Variants in KTN1 observed in about 807,000 individuals in gnomAD.
The protein encoded by KTN1 is kinectin 1.
In KTN1, 130 loss-of-function variants were observed where a neutral mutation model predicts 222.5. The ratio of observed to expected loss-of-function variants is 0.58; its 90% confidence interval spans 0.51 to 0.68. The LOEUF is 0.68. Ranked by LOEUF, KTN1 falls within the 30% of genes least tolerant of loss-of-function variation. The probability of loss-of-function intolerance (pLI) is 0.00; values close to 1 mark genes in which losing one functional copy is unlikely to be tolerated. For synonymous variants in KTN1, 512 were observed against 496.3 expected, an observed-to-expected ratio of 1.03 and a Z score of -0.42; for missense variants, 1,508 against 1,500.4, an observed-to-expected ratio of 1.01 and a Z score of -0.08.
chr14:55,641,013 TTAATTA>T, intron 16 of KTN1, 43 bp downstream of exon 16: 1 of 1,546,108 alleles, frequency 6.5e-7, no homozygotes, highest in East Asian at 2.3e-5. Flanking sequence ...ACATTTATGT[TTAATTA>T]TAATTGTTGC....
intron 40 of KTN1, chr14:55,675,260 T>C (rs2045795897): frequency 6.6e-6 from 1 of 152,226 alleles, no homozygotes; most frequent in Non-Finnish European, 1.5e-5. Flanking sequence ...TACAGAACTT[T>C]CTGTTTTGAC....
chr14:55,672,791 T>C (rs368731976), intron 38 of KTN1, 90 bp downstream of exon 38: 37 of 1,064,866 alleles, frequency 3.5e-5, no homozygotes, highest in African/African-American at 3.0e-4. Context: ...GATTACTTTA[T>C]AGTTATGCTC....
At chr14:55,647,633 CAAAAAAA>C (rs35742930) in intron 19 of KTN1, among the ~76,000 whole-genome samples, 1 of 32,974 alleles carries the variant, frequency 3.0e-5, no homozygotes, top group South Asian at 1.5e-3. Flanking sequence ...AACTCTGCCT[CAAAAAAA>C]AAAAAAAAAA....
Position 55,648,111 on chromosome 14 carries a change from T to C in KTN1, c.2294T>C (p.Leu765Pro). Residue 765 changes from leucine (L) to proline (P), a missense_variant, in exon 20 of 44, where the codon CTG becomes CCG. By Grantham distance (98) the Leu-to-Pro change is moderately conservative. Transcript: ENST00000395314. ...CAGGTGGCAACTAAAGAAGAGGAGC[T>C]GAATGTAAAGCATTTTGTAGTTTTG... Reference protein sequence around the residue: ...LIQVATKEEELNAIRTENSSL... With the variant: ...LIQVATKEEEPNAIRTENSSL... 2 of 1,520,042 alleles carry C rather than the reference T, an allele frequency of 1.3e-6. No individual in the cohort carries two copies. Among genetic ancestry groups the C allele is most frequent in the Non-Finnish European group, 1.8e-6 (2 of 1,114,160 alleles). The allele number at this position is 1,520,042 out of a possible 1,614,324, so 94.2% of individuals were successfully genotyped here.
chr14:55,684,510 A>T lies in KTN1; in HGVS notation c.*407A>T, dbSNP rs754998752. The T allele has an allele frequency of 9.4e-6, 2 of 212,768 alleles. No homozygotes were observed. The highest frequency in any genetic ancestry group is 1.9e-5 in the Non-Finnish European group (2 of 105,560). 13.2% of individuals were successfully genotyped at this position (212,768 alleles called of 1,614,324 possible). On this transcript the variant is annotated 3_prime_UTR_variant, in exon 44 of 44. Coordinates refer to ENST00000395314, the MANE Select transcript of KTN1 (RefSeq NM_001079521.2). Reference sequence around the variant, plus strand: ...GCCTCTGACTTCAACTCAAGAAAACACTTTTTTGTTGCTAATGTAATCGGT... The same window carrying T: ...GCCTCTGACTTCAACTCAAGAAAACTCTTTTTTGTTGCTAATGTAATCGGT...
chr14:55,646,601 C>G (rs1450580842), intron 18 of KTN1, among the ~76,000 whole-genome samples: 4 of 128,920 alleles, frequency 3.1e-5, no homozygotes, highest in African/African-American at 1.2e-4. Flanking sequence ...TCTTTTCTTT[C>G]TTTTTTTTTG....
In KTN1 at chr14:55,665,509, G is replaced by A. The variant is rs986894839; in HGVS notation, c.3177+1468G>A. The stretch of plus-strand genomic sequence containing the variant: ...TTTAGACAGTCCTTAGATAGCATAC[G>A]TGTAAAGGGATGTTGATTGACCCAG... On this transcript the variant is annotated intron_variant, in intron 33 of 43. Transcript: ENST00000395314. 5.3e-5 allele frequency among the ~76,000 whole-genome samples: 8 copies of A among 152,124 alleles called. No individual in the cohort carries two copies. In the South Asian group the frequency reaches 6.2e-4, roughly 12 times the overall value.
chr14:55,674,277 T>G (rs908883549), intron 40 of KTN1: 3 of 152,076 alleles, frequency 2.0e-5, no homozygotes, highest in African/African-American at 7.2e-5. Flanking sequence ...TTTGGATTAT[T>G]TGTATTATAT....
chr14:55,618,724 A>G (rs185100856), intron 4 of KTN1, among the ~76,000 whole-genome samples: 8 of 152,322 alleles, frequency 5.3e-5, no homozygotes, highest in Admixed American at 3.3e-4. Flanking sequence ...TTTGATCTTC[A>G]TAGAATCAGA....
chr14:55,656,883 A>G (rs1429724766), intron 29 of KTN1, among the ~76,000 whole-genome samples: 1 of 152,148 alleles, frequency 6.6e-6, no homozygotes, highest in Non-Finnish European at 1.5e-5. Context: ...TACTTTTACT[A>G]GTGTTATCTG....
chr14:55,635,099 T>C (rs1450975890), intron 9 of KTN1, among the ~76,000 whole-genome samples: 1 of 152,130 alleles, frequency 6.6e-6, no homozygotes, highest in Non-Finnish European at 1.5e-5. Context: ...ATTTGATGAC[T>C]TAAATGTGTA....
rs560833432 is a variant in KTN1 at position 55,664,759 on chromosome 14, T to G, written c.3177+718T>G. Among the ~76,000 whole-genome samples, 9 of 152,278 alleles carry G rather than the reference T, an allele frequency of 5.9e-5. 1 individual carries two copies. The South Asian group carries it at 6.2e-4, about 11-fold the overall frequency. ...TAATGAATTGTAATAGAGAAGTTGT[T>G]TTTAAAGATTGAGAAAATTGAATCT... On this transcript the variant is annotated intron_variant, in intron 33 of 43. Transcript: ENST00000395314.
rs1414355754 is a variant in KTN1, at chr14:55,641,713, G to C, written c.2125G>C (p.Ala709Pro). The C allele has an allele frequency of 6.2e-7, 1 of 1,602,126 alleles. No homozygotes were observed. The highest frequency in any genetic ancestry group is 1.7e-5 in the Admixed American group (1 of 59,944). The stretch of plus-strand genomic sequence containing the variant: ...CCAGATTCTAAATGACCAAAACAAA[G>C]CATTAAAATCAGAAGTTCAGAAGCT... The part of the protein sequence containing the change: ...EFKILNDQNK[A>P]LKSEVQKLQT... The change falls in exon 18 of 44, where the codon GCA (alanine) becomes CCA (proline). Residue 709 changes from alanine (A) to proline (P), a missense_variant. By Grantham distance (27) the Ala-to-Pro change is conservative (BLOSUM62 -1). Transcript: ENST00000395314.
intron 7 of KTN1, among the ~76,000 whole-genome samples, chr14:55,632,369 T>C (rs1056186014): frequency 2.0e-5 from 3 of 151,534 alleles, no homozygotes; most frequent in Admixed American, 1.3e-4. Flanking sequence ...TTTCCCTTAA[T>C]AAGCAACAGT....
chr14:55,639,857 T>C, intron 13 of KTN1, 56 bp from the exon 14 acceptor site: 1 of 1,136,454 alleles, frequency 8.8e-7, no homozygotes, highest in Non-Finnish European at 1.3e-6. Flanking sequence ...TTTAAATCCT[T>C]TTGATTTGTG....
rs771731434 is a variant in KTN1, at chr14:55,650,578, C to T, written c.2506C>T (p.Gln836Ter). 6.2e-7 allele frequency: 1 copy of T among 1,611,086 alleles called. No individual in the cohort carries two copies. The highest frequency in any genetic ancestry group is 8.5e-7 in the Non-Finnish European group (1 of 1,177,852). Residue 836 changes from glutamine (Q) to a stop codon, truncating the protein, a stop_gained, in exon 24 of 44, where the codon CAG becomes TAG. Coordinates refer to ENST00000395314, the MANE Select transcript of KTN1 (RefSeq NM_001079521.2). LOFTEE classifies it high-confidence loss of function. ...TTTTGTCATTGTCAAGGATTTGAAACAGGAAATAAAGGCTCTAAAAGAAGA... is the reference window on the plus strand; with the variant it reads ...TTTTGTCATTGTCAAGGATTTGAAATAGGAAATAAAGGCTCTAAAAGAAGA... The part of the protein sequence containing the change: ...NKEKTVQDLK[Q>*]EIKALKEEIG...
At position 55,672,764 on chromosome 14, in the gene KTN1, G is replaced by A. The variant is rs17128671; in HGVS notation, c.3603+63G>A. 5,407 of 1,190,514 alleles carry A rather than the reference G, an allele frequency of 4.5e-3. 179 individuals carry two copies. In the African/African-American group the frequency reaches 0.071, roughly 16 times the overall value. 73.7% of individuals were successfully genotyped at this position (1,190,514 alleles called of 1,614,324 possible). ...TTGTTTTTAGCATTAACGGTTGTCT[G>A]AAGATCTATAGTTTAAGATTACTTT... is the stretch of plus-strand genomic sequence containing the variant. On this transcript the variant is annotated intron_variant, in intron 38 of 43. Transcript: ENST00000395314.
chr14:55,629,417 CAAAA>C, intron 6 of KTN1, among the ~76,000 whole-genome samples: 1 of 49,148 alleles, frequency 2.0e-5, no homozygotes, highest in Admixed American at 2.1e-4. Flanking sequence ...GACTCCGTCT[CAAAA>C]AAAAAAAAAA....
chr14:55,620,584 G>A (rs952553003), intron 5 of KTN1, among the ~76,000 whole-genome samples: 9 of 152,116 alleles, frequency 5.9e-5, no homozygotes, highest in African/African-American at 1.7e-4. Context: ...TCAACACTAC[G>A]TTGAAGCTGC....
Sources: gnomAD v4.1 joint callset for allele counts (sites outside exome capture counted in the v4.1 genomes callset) on GRCh38, gnomAD v4.1.1 for gene constraint, MANE v1.5 for transcripts, NCBI Gene and HGNC (gene_info 2026-07-23, HGNC 2026-07-21) for gene names.